Variants in RANBP17 observed in about 807,000 individuals in gnomAD.
RANBP17 encodes RAN binding protein 17, also known as ran-binding protein 17.
A neutral mutation model predicts 141.2 loss-of-function variants in RANBP17; 158 were observed. The observed-to-expected ratio is 1.12, with a 90% CI of 0.98 to 1.28. The LOEUF (loss-of-function observed/expected upper bound fraction) is 1.28, where lower values mean the gene tolerates loss of function less well. RANBP17 is among the 50% of genes most tolerant of loss of function. The pLI, the probability that RANBP17 is intolerant of heterozygous loss-of-function variation, is 0.00. For missense variants in RANBP17, 1,438 were observed against 1,290.7 expected (o/e 1.11, Z -1.75); for synonymous variants, 430 against 450.0 (o/e 0.96, Z 0.56).
chr5:170,977,899 A>G (rs183557618), intron 14 of RANBP17, among the ~76,000 whole-genome samples: 82 of 152,166 alleles, frequency 5.4e-4, no homozygotes, highest in African/African-American at 1.9e-3. Flanking sequence ...GTGTTGAAAT[A>G]TTCTGAAATT....
intron 14 of RANBP17, among the ~76,000 whole-genome samples, chr5:171,042,622 A>G (rs1291804357): frequency 2.0e-5 from 3 of 152,200 alleles, no homozygotes; most frequent in African/African-American, 7.2e-5. Flanking sequence ...ATATTACAGT[A>G]GCACTCACAT....
At chr5:171,251,847 C>T (rs1765587731) in intron 24 of RANBP17, 2 of 1,349,792 alleles carry the variant, frequency 1.5e-6, no homozygotes, top group South Asian at 2.3e-5. Context: ...AATTCGCTTC[C>T]ATCTGTACCA....
At chr5:170,863,562 A>G (rs1014471901) in intron 1 of RANBP17, 1 of 152,122 alleles carries the variant, frequency 6.6e-6, no homozygotes, top group African/African-American at 2.4e-5. Context: ...ATGTATTACC[A>G]CTTTAGTAAA....
intron 18 of RANBP17, among the ~76,000 whole-genome samples, chr5:171,188,351 T>C (rs1761406877): frequency 6.6e-6 from 1 of 152,196 alleles, no homozygotes; most frequent in Non-Finnish European, 1.5e-5. Flanking sequence ...TTGGCTGCTG[T>C]GTTGGTGAGA....
At chr5:171,243,783 C>T (rs1377323629) in intron 24 of RANBP17, among the ~76,000 whole-genome samples, 2 of 152,108 alleles carry the variant, frequency 1.3e-5, no homozygotes, top group African/African-American at 2.4e-5. Context: ...TCTATTAATA[C>T]TGTATTTGGG....
At chr5:171,147,037 G>A (rs139949348) in intron 14 of RANBP17, among the ~76,000 whole-genome samples, 334 of 152,298 alleles carry the variant, frequency 2.2e-3, no homozygotes, top group Non-Finnish European at 3.7e-3. Context: ...AGTGCAGACA[G>A]CAGTTTCCAA....
intron 14 of RANBP17, among the ~76,000 whole-genome samples, chr5:171,003,354 G>A (rs1779359361): frequency 6.6e-6 from 1 of 152,192 alleles, no homozygotes; most frequent in Non-Finnish European, 1.5e-5. Flanking sequence ...TTCCTTTTGT[G>A]AGTTTATGTA....
intron 12 of RANBP17, 62 bp downstream of exon 12, chr5:170,924,612 C>A: frequency 1.8e-6 from 2 of 1,082,854 alleles, no homozygotes; most frequent in Non-Finnish European, 2.6e-6. Context: ...TCATTAATCA[C>A]TTTAATAGTT....
At chr5:171,128,273 G>T (rs1339619485) in intron 14 of RANBP17, among the ~76,000 whole-genome samples, 1 of 152,138 alleles carries the variant, frequency 6.6e-6, no homozygotes, top group African/African-American at 2.4e-5. Flanking sequence ...TGAATGAATG[G>T]ATAAAGAAAA....
intron 12 of RANBP17, among the ~76,000 whole-genome samples, chr5:170,947,306 T>C (rs1774845560): frequency 6.6e-6 from 1 of 152,150 alleles, no homozygotes; most frequent in Non-Finnish European, 1.5e-5. Flanking sequence ...CTGTTGATAA[T>C]GTATAATATA....
At chr5:170,915,229 C>T (rs768181863) in intron 8 of RANBP17, among the ~76,000 whole-genome samples, 9 of 152,118 alleles carry the variant, frequency 5.9e-5, no homozygotes, top group South Asian at 2.1e-4. Flanking sequence ...AAAACAACTG[C>T]TTTGAGAGAT....
intron 12 of RANBP17, among the ~76,000 whole-genome samples, chr5:170,931,879 T>C (rs1773420159): frequency 6.6e-6 from 1 of 152,226 alleles, no homozygotes. Flanking sequence ...AGGATTGTCT[T>C]GGCAATGCGG....
intron 14 of RANBP17, among the ~76,000 whole-genome samples, chr5:171,007,537 G>A (rs1164374825): frequency 2.0e-5 from 3 of 152,102 alleles, no homozygotes; most frequent in Admixed American, 2.0e-4. Context: ...CTTGGGGTTG[G>A]GACTGAAGGG....
intron 13 of RANBP17, among the ~76,000 whole-genome samples, chr5:170,955,616 TGTATATATATATATATATATATATGCTCA>T: frequency 1.5e-4 from 5 of 32,306 alleles, no homozygotes; most frequent in African/African-American, 5.2e-4. Context: ...ATATGCTCAG[TGTATATATATATATATATATATATGCTCA>T]GTGTATATAT....
chr5:170,931,372 C>A (rs1452850543), intron 12 of RANBP17, among the ~76,000 whole-genome samples: 3 of 152,164 alleles, frequency 2.0e-5, no homozygotes, highest in African/African-American at 7.2e-5. Flanking sequence ...TGCCTGTTCA[C>A]TCTGATGGTA....
At chr5:171,056,980 G>A (rs1181336728) in intron 14 of RANBP17, among the ~76,000 whole-genome samples, 3 of 152,198 alleles carry the variant, frequency 2.0e-5, no homozygotes, top group African/African-American at 7.2e-5. Flanking sequence ...TTCAAGAAAG[G>A]AAGCTAACTT....
intron 14 of RANBP17, among the ~76,000 whole-genome samples, chr5:170,995,786 C>A (rs1778780418): frequency 6.6e-6 from 1 of 152,180 alleles, no homozygotes. Flanking sequence ...TATAATCTTA[C>A]ATTTAAAAGG....
chr5:171,057,085 T>G (rs1783440363), intron 14 of RANBP17, among the ~76,000 whole-genome samples: 1 of 152,154 alleles, frequency 6.6e-6, no homozygotes, highest in Non-Finnish European at 1.5e-5. Context: ...TAAGGTAAGA[T>G]TCATATAAAC....
At chr5:171,221,061 ACTT>A (rs1763526202) in intron 21 of RANBP17, among the ~76,000 whole-genome samples, 3 of 152,160 alleles carry the variant, frequency 2.0e-5, no homozygotes, top group South Asian at 2.1e-4. Flanking sequence ...TCAAAATGCC[ACTT>A]CTTCTTAAAA....
Sources: allele counts gnomAD v4.1 joint callset (sites outside exome capture counted in the v4.1 genomes callset), GRCh38; gene constraint gnomAD v4.1.1; transcripts MANE v1.5; gene names NCBI Gene and HGNC (gene_info 2026-07-23, HGNC 2026-07-21).